The following DPP10 variants were observed in gnomAD, a reference collection of about 807,000 sequenced individuals.
DPP10 encodes dipeptidyl peptidase like 10, also known as inactive dipeptidyl peptidase 10.
DPP10 carries 33 observed loss-of-function variants against 120.9 expected under a neutral mutation model. The observed-to-expected ratio is 0.27, with a 90% CI of 0.21 to 0.37. DPP10 has a LOEUF of 0.37. DPP10 is among the 10% of genes least tolerant of loss of function. DPP10 has a pLI of 1.00. For synonymous variants in DPP10, 337 were observed against 326.1 expected (o/e 1.03, Z -0.36); for missense variants, 816 against 942.8 (o/e 0.87, Z 1.76).
chr2:115,660,677 T>TTTTTTTTTTTTTTTTTTTTTTTC (rs1362461869), intron 5 of DPP10, among the ~76,000 whole-genome samples: 1 of 143,796 alleles, frequency 7.0e-6, no homozygotes, highest in Non-Finnish European at 1.5e-5. Flanking sequence ...TTTTTTTTTT[T>TTTTTTTTTTTTTTTTTTTTTTTC]TTGCTAATTT....
At chr2:115,762,686 T>C in intron 12 of DPP10, 76 bp downstream of exon 12, 1 of 1,543,442 alleles carries the variant, frequency 6.5e-7, no homozygotes, top group South Asian at 1.1e-5. Flanking sequence ...GATAACTTTC[T>C]GTAAAAAGTA....
intron 1 of DPP10, among the ~76,000 whole-genome samples, chr2:114,711,523 A>G (rs779389018): frequency 6.6e-6 from 1 of 152,234 alleles, no homozygotes; most frequent in Non-Finnish European, 1.5e-5. Context: ...TTAAACTGGG[A>G]TGATAATAGA....
At chr2:114,624,618 G>A (rs1177852917) in intron 1 of DPP10, among the ~76,000 whole-genome samples, 1 of 151,822 alleles carries the variant, frequency 6.6e-6, no homozygotes, top group East Asian at 1.9e-4. Context: ...CATGTGGCAG[G>A]CACTCTGTGG....
chr2:115,337,982 A>G (rs1275887090), intron 2 of DPP10, among the ~76,000 whole-genome samples: 1 of 152,074 alleles, frequency 6.6e-6, no homozygotes, highest in African/African-American at 2.4e-5. Context: ...ATTTATAGTT[A>G]TTTGAATTGC....
chr2:114,790,926 T>C (rs575484469), intron 1 of DPP10, among the ~76,000 whole-genome samples: 1 of 152,134 alleles, frequency 6.6e-6, no homozygotes, highest in East Asian at 1.9e-4. Flanking sequence ...GCCTGACAAT[T>C]CTCACATAAT....
At position 115,259,838 on chromosome 2, in the gene DPP10, C is replaced by A. The variant is rs964602343; in HGVS notation, c.61-49401C>A. Among the ~76,000 whole-genome samples the A allele has an allele frequency of 9.9e-5, 15 of 151,942 alleles. 1 individual carries two copies. The highest frequency in any genetic ancestry group is 3.9e-4 in the Admixed American group (6 of 15,262). On this transcript the variant is annotated intron_variant, in intron 1 of 25. Transcript: ENST00000410059. ...TCACACAAACTATATATGATATATG[C>A]TATATAGCATAATTTTATTATCTAT...
At chr2:114,995,810 G>A (rs960446153) in intron 1 of DPP10, among the ~76,000 whole-genome samples, 2 of 152,106 alleles carry the variant, frequency 1.3e-5, no homozygotes, top group African/African-American at 4.8e-5. Flanking sequence ...AAACTGCATC[G>A]ATCAATTAAG....
chr2:114,845,296 C>T (rs773196302), intron 1 of DPP10, among the ~76,000 whole-genome samples: 1 of 152,142 alleles, frequency 6.6e-6, no homozygotes, highest in Admixed American at 6.6e-5. Flanking sequence ...ATATGATTAA[C>T]AAACATTGCA....
intron 1 of DPP10, among the ~76,000 whole-genome samples, chr2:115,090,074 T>C (rs1559081934): frequency 6.6e-6 from 1 of 152,100 alleles, no homozygotes; most frequent in Non-Finnish European, 1.5e-5. Flanking sequence ...TTGTTGATCC[T>C]CACTTTGTGA....
intron 1 of DPP10, among the ~76,000 whole-genome samples, chr2:115,183,665 G>A (rs186271025): frequency 1.3e-5 from 2 of 152,278 alleles, no homozygotes; most frequent in Admixed American, 1.3e-4. Flanking sequence ...TCTGTGGATC[G>A]TTTTAAAGGT....
chr2:115,113,934 C>A (rs1285640982), intron 1 of DPP10, among the ~76,000 whole-genome samples: 2 of 152,144 alleles, frequency 1.3e-5, no homozygotes, highest in Non-Finnish European at 2.9e-5. Context: ...GAAACAGAGT[C>A]TAGAAGCTGG....
chr2:115,405,609 G>A (rs2068448135), intron 3 of DPP10, among the ~76,000 whole-genome samples: 1 of 152,146 alleles, frequency 6.6e-6, no homozygotes, highest in African/African-American at 2.4e-5. Flanking sequence ...GAGCTCCTAG[G>A]CAGTTTGACA....
chr2:115,802,059 G>T (rs1316778454), intron 19 of DPP10, among the ~76,000 whole-genome samples: 1 of 152,074 alleles, frequency 6.6e-6, no homozygotes, highest in Non-Finnish European at 1.5e-5. Flanking sequence ...AATCCATCTG[G>T]TCCTGGACTT....
intron 19 of DPP10, among the ~76,000 whole-genome samples, chr2:115,808,201 A>G (rs1020350846): frequency 6.6e-6 from 1 of 152,246 alleles, no homozygotes; most frequent in Admixed American, 6.5e-5. Flanking sequence ...TGTAACTATA[A>G]TTCAAGCCAG....
At chr2:115,056,299 G>A (rs913864317) in intron 1 of DPP10, among the ~76,000 whole-genome samples, 4 of 152,108 alleles carry the variant, frequency 2.6e-5, no homozygotes, top group Non-Finnish European at 5.9e-5. Flanking sequence ...AGTCATTGAG[G>A]TACTATTATG....
intron 7 of DPP10, among the ~76,000 whole-genome samples, chr2:115,709,212 G>A (rs1279470078): frequency 6.6e-6 from 1 of 152,046 alleles, no homozygotes; most frequent in Non-Finnish European, 1.5e-5. Flanking sequence ...TGGGTATCAA[G>A]TAAGTTGAAT....
chr2:115,359,752 C>T (rs2064646118), intron 3 of DPP10, among the ~76,000 whole-genome samples: 2 of 152,014 alleles, frequency 1.3e-5, no homozygotes, highest in Non-Finnish European at 2.9e-5. Context: ...AATGCTATTG[C>T]ATAATAGGCT....
intron 1 of DPP10, among the ~76,000 whole-genome samples, chr2:115,180,819 A>G (rs554837855): frequency 2.7e-4 from 41 of 152,278 alleles, no homozygotes; most frequent in African/African-American, 5.1e-4. Context: ...ATTTATCTCA[A>G]TGTCCATGGA....
Position 115,157,829 on chromosome 2 carries a change from G to C in DPP10, c.61-151410G>C, listed in dbSNP as rs1291455776. ...GTGAACTCTGTCTTCTTGATGCTGT[G>C]CTCATTATAGACACTCAACAGAGGA... On this transcript the variant is annotated intron_variant, in intron 1 of 25. Coordinates refer to ENST00000410059, the MANE Select transcript of DPP10 (RefSeq NM_020868.6). 2.6e-5 allele frequency among the ~76,000 whole-genome samples: 4 copies of C among 152,150 alleles called. No individual in the cohort carries two copies. In the East Asian group the frequency reaches 7.7e-4, roughly 29 times the overall value.
Sources: gnomAD v4.1 joint callset for allele counts (sites outside exome capture counted in the v4.1 genomes callset) on GRCh38, gnomAD v4.1.1 for gene constraint, MANE v1.5 for transcripts, NCBI Gene and HGNC (gene_info 2026-07-23, HGNC 2026-07-21) for gene names.